LSAMP: variants seen among roughly 807,000 people sequenced by gnomAD.
LSAMP encodes limbic system associated membrane protein.
Under a neutral mutation model 38.6 loss-of-function variants are expected in LSAMP, and 7 were observed. That is an observed-to-expected ratio of 0.18 (90% confidence interval 0.10 to 0.34). The LOEUF is 0.34. Ranked by LOEUF, LSAMP falls within the 10% of genes least tolerant of loss-of-function variation. The probability of loss-of-function intolerance (pLI) is 1.00; values close to 1 mark genes in which losing one functional copy is unlikely to be tolerated. For missense variants in LSAMP, 313 were observed against 420.0 expected, an observed-to-expected ratio of 0.75 and a Z score of 2.23; for synonymous variants, 154 against 166.8, an observed-to-expected ratio of 0.92 and a Z score of 0.59.
intron 3 of LSAMP, among the ~76,000 whole-genome samples, chr3:115,855,862 C>T (rs1935492331): frequency 6.6e-6 from 1 of 152,152 alleles, no homozygotes; most frequent in Admixed American, 6.5e-5. Flanking sequence ...CTGGGCCCTC[C>T]CTGTTGTCAT....
intron 1 of LSAMP, among the ~76,000 whole-genome samples, chr3:116,197,720 ACAGT>A (rs775747880): frequency 6.6e-5 from 10 of 152,164 alleles, no homozygotes; most frequent in Non-Finnish European, 1.5e-4. Context: ...TGGGAAACTG[ACAGT>A]CAGGGATCCG....
intron 1 of LSAMP, among the ~76,000 whole-genome samples, chr3:116,249,078 G>A (rs2046644080): frequency 6.6e-6 from 1 of 151,274 alleles, no homozygotes; most frequent in South Asian, 2.1e-4. Flanking sequence ...GAACCCAGGA[G>A]GTGGAGCTTG....
chr3:116,282,127 C>T (rs1300016308), intron 1 of LSAMP, among the ~76,000 whole-genome samples: 1 of 152,194 alleles, frequency 6.6e-6, no homozygotes, highest in Non-Finnish European at 1.5e-5. Flanking sequence ...GGAAAACAGA[C>T]TGCGCTCATG....
At chr3:116,344,328 A>C (rs980951198) in intron 1 of LSAMP, among the ~76,000 whole-genome samples, 1 of 152,146 alleles carries the variant, frequency 6.6e-6, no homozygotes, top group Non-Finnish European at 1.5e-5. Context: ...GAAATCCGTT[A>C]ATCACTTAAG....
At chr3:116,199,121 T>A (rs1199376802) in intron 1 of LSAMP, among the ~76,000 whole-genome samples, 2 of 150,698 alleles carry the variant, frequency 1.3e-5, no homozygotes, top group East Asian at 3.9e-4. Flanking sequence ...AAATAGAAAA[T>A]CAGAACTCAG....
intron 3 of LSAMP, among the ~76,000 whole-genome samples, chr3:115,914,401 G>T (rs1433093697): frequency 6.6e-6 from 1 of 152,188 alleles, no homozygotes; most frequent in Non-Finnish European, 1.5e-5. Context: ...TCTTCAGCAG[G>T]AATCCTGTTA....
chr3:116,318,719 A>G (rs2047667536), intron 1 of LSAMP, among the ~76,000 whole-genome samples: 1 of 152,184 alleles, frequency 6.6e-6, no homozygotes. Context: ...AATCAATACA[A>G]TATATTATAT....
intron 3 of LSAMP, among the ~76,000 whole-genome samples, chr3:115,921,819 A>T (rs1937388949): frequency 6.6e-6 from 1 of 152,132 alleles, no homozygotes; most frequent in Admixed American, 6.5e-5. Context: ...TTTCTGCTGA[A>T]TATAGTATTC....
chr3:116,381,041 T>C (rs2048551530), intron 1 of LSAMP, among the ~76,000 whole-genome samples: 1 of 152,112 alleles, frequency 6.6e-6, no homozygotes, highest in Non-Finnish European at 1.5e-5. Flanking sequence ...TCAGTCTTCA[T>C]TGTCACTCAT....
intron 6 of LSAMP, among the ~76,000 whole-genome samples, chr3:115,826,111 ATTTTTATTTTT>A (rs1934400093): frequency 6.7e-6 from 1 of 150,226 alleles, no homozygotes; most frequent in East Asian, 2.0e-4. Flanking sequence ...TTTTATTTTT[ATTTTTATTTTT>A]ATTTTTATTT....
chr3:116,408,427 A>C (rs948642569), intron 1 of LSAMP, among the ~76,000 whole-genome samples: 24 of 152,168 alleles, frequency 1.6e-4, no homozygotes, highest in African/African-American at 5.8e-4. Flanking sequence ...AATGAAGAAG[A>C]ATATTTAGCA....
intron 2 of LSAMP, among the ~76,000 whole-genome samples, chr3:116,036,123 T>G (rs1941039896): frequency 6.6e-6 from 1 of 152,152 alleles, no homozygotes; most frequent in Non-Finnish European, 1.5e-5. Context: ...CCACTAACAT[T>G]AATGACCAAA....
At chr3:116,045,300 G>A (rs1217866936) in intron 2 of LSAMP, among the ~76,000 whole-genome samples, 1 of 152,034 alleles carries the variant, frequency 6.6e-6, no homozygotes, top group East Asian at 1.9e-4. Flanking sequence ...TTTATTATGA[G>A]CATTGGTCCT....
chr3:116,291,952 C>G (rs2047272379), intron 1 of LSAMP, among the ~76,000 whole-genome samples: 1 of 152,146 alleles, frequency 6.6e-6, no homozygotes, highest in Non-Finnish European at 1.5e-5. Context: ...GTCTTTATCT[C>G]TTTTCTTATT....
In LSAMP at chr3:116,129,742, G is replaced by A. The variant is rs140075230; in HGVS notation, c.156-43186C>T. ...AAGAATGAATGCCAGGTGGATATGT[G>A]CACATAGGAGCATATGCAATGTTTC... On this transcript the variant is annotated intron_variant, in intron 1 of 6. Transcript: ENST00000490035. Among the ~76,000 whole-genome samples, 295 of 152,306 alleles carry A rather than the reference G, an allele frequency of 1.9e-3. 2 individuals are homozygous for A. The highest frequency in any genetic ancestry group is 6.8e-3 in the African/African-American group (283 of 41,570).
At chr3:116,052,526 C>T (rs775156257) in intron 2 of LSAMP, among the ~76,000 whole-genome samples, 4 of 152,038 alleles carry the variant, frequency 2.6e-5, no homozygotes, top group Admixed American at 6.6e-5. Context: ...CTGGAAACTC[C>T]GGACTGGCTT....
intron 3 of LSAMP, among the ~76,000 whole-genome samples, chr3:115,981,657 G>A (rs1415037840): frequency 1.3e-5 from 2 of 152,138 alleles, no homozygotes; most frequent in African/African-American, 4.8e-5. Flanking sequence ...TAGTTGCTCA[G>A]AAGCATGAAG....
chr3:116,037,442 T>C (rs914655999), intron 2 of LSAMP, among the ~76,000 whole-genome samples: 1 of 152,102 alleles, frequency 6.6e-6, no homozygotes, highest in Non-Finnish European at 1.5e-5. Context: ...ACCTAGATTT[T>C]GAGCCCCATA....
intron 3 of LSAMP, among the ~76,000 whole-genome samples, chr3:115,857,471 C>A (rs1420432424): frequency 6.6e-6 from 1 of 152,178 alleles, no homozygotes; most frequent in East Asian, 1.9e-4. Flanking sequence ...AGTTCTATGG[C>A]CACAATTTGG....
Sources: allele counts gnomAD v4.1 joint callset (sites outside exome capture counted in the v4.1 genomes callset), GRCh38; gene constraint gnomAD v4.1.1; transcripts MANE v1.5; gene names NCBI Gene and HGNC (gene_info 2026-07-23, HGNC 2026-07-21).